Variants in MED24 observed in about 807,000 individuals in gnomAD.
MED24 encodes the protein mediator of RNA polymerase II transcription subunit 24.
A neutral mutation model predicts 118.8 loss-of-function variants in MED24; 74 were observed. That is an observed-to-expected ratio of 0.62 (90% confidence interval 0.52 to 0.76). The LOEUF is 0.76. MED24 is among the 30% of genes least tolerant of loss of function. The pLI, the probability that MED24 is intolerant of heterozygous loss-of-function variation, is 0.00. For synonymous variants in MED24, 521 were observed against 523.9 expected (o/e 0.99, Z 0.08); for missense variants, 1,041 against 1,278.9 (o/e 0.81, Z 2.84).
chr17:40,021,638 A>C (rs1407544510), intron 23 of MED24, among the ~76,000 whole-genome samples: 6 of 152,226 alleles, frequency 3.9e-5, no homozygotes, highest in Non-Finnish European at 7.4e-5. Context: ...TGCCTGAGGC[A>C]GTGAACTCAC....
At position 40,023,302 on chromosome 17, in the gene MED24, G is replaced by A. The variant is rs1982258738; in HGVS notation, c.2079C>T (p.Asp693=). The change falls in exon 20 of 26, where the codon GAC becomes GAT. Residue 693 remains aspartate (D), a synonymous_variant. Coordinates refer to ENST00000394128, the MANE Select transcript of MED24 (RefSeq NM_014815.4). ...GCAGCAGGTTCCAGTAGGGCATTGT[G>A]TCCACCCCGGTGGAGGGAAACTTGA... The part of the protein sequence containing the change: ...TQIKFPSTGV[D]TMPYWNLLPP... 1 of 1,614,100 alleles carries A rather than the reference G, an allele frequency of 6.2e-7. No individual in the cohort carries two copies. The highest frequency in any genetic ancestry group is 8.5e-7 in the Non-Finnish European group (1 of 1,179,986).
chr17:40,020,528 C>T, intron 23 of MED24, 175 bp from the exon 24 acceptor site: 1 of 1,454,454 alleles, frequency 6.9e-7, no homozygotes, highest in African/African-American at 1.4e-5. Flanking sequence ...TGGCTCACAC[C>T]TGTAATCCCA....
At chr17:40,047,873 A>G (rs530715911) in intron 3 of MED24, among the ~76,000 whole-genome samples, 94 of 151,606 alleles carry the variant, frequency 6.2e-4, no homozygotes, top group African/African-American at 2.2e-3. Flanking sequence ...GGGATTACAG[A>G]CGCCCACCAC....
intron 1 of MED24, chr17:40,053,979 A>C: frequency 2.7e-6 from 1 of 371,420 alleles, no homozygotes; most frequent in Non-Finnish European, 5.0e-6. Flanking sequence ...AAAAATACAA[A>C]ATTAGCCGGG....
At chr17:40,021,102 AC>A (rs1407416794) in intron 23 of MED24, 2 of 149,762 alleles carry the variant, frequency 1.3e-5, no homozygotes, top group Admixed American at 6.8e-5. Context: ...CAAACAAAAA[AC>A]AAAACAAAAA....
Position 40,036,184 on chromosome 17 carries a change from G to A in MED24, c.214-30C>T, listed in dbSNP as rs1162275054. On this transcript the variant is annotated intron_variant, in intron 3 of 25. Coordinates refer to ENST00000394128, the MANE Select transcript of MED24 (RefSeq NM_014815.4). ...AGAGAAGGAAGAAAGATAATCTTTAGACAACTAGTCTCCCACAGTTGAGAG... is the reference window on the plus strand; with the variant it reads ...AGAGAAGGAAGAAAGATAATCTTTAAACAACTAGTCTCCCACAGTTGAGAG... 3.8e-6 allele frequency: 6 copies of A among 1,594,828 alleles called. No homozygotes were observed. In the South Asian group the frequency reaches 6.6e-5, roughly 18 times the overall value.
chr17:40,053,712 G>A, intron 1 of MED24, 77 bp from the exon 2 acceptor site: 1 of 1,555,306 alleles, frequency 6.4e-7, no homozygotes. Context: ...GAATTAAATA[G>A]AAAGGAGAAG....
intron 13 of MED24, among the ~76,000 whole-genome samples, chr17:40,029,295 G>A (rs569372892): frequency 6.6e-6 from 1 of 152,200 alleles, no homozygotes; most frequent in East Asian, 1.9e-4. Flanking sequence ...GCCCCCCAGG[G>A]TTCAGCGATT....
chr17:40,026,411 A>G (rs767254954), intron 18 of MED24, 80 bp from the exon 19 acceptor site: 1 of 1,528,990 alleles, frequency 6.5e-7, no homozygotes, highest in Admixed American at 1.7e-5. Context: ...CTCTGCGGGC[A>G]GCTAAGTGCA....
intron 13 of MED24, 117 bp downstream of exon 13, chr17:40,029,631 A>G (rs1267686362): frequency 1.1e-6 from 1 of 931,370 alleles, no homozygotes; most frequent in Non-Finnish European, 1.6e-6. Flanking sequence ...CAAAGCAACT[A>G]TGTATAAAAG....
In MED24 at chr17:40,030,042, C is replaced by CT. The variant is rs1305937038; in HGVS notation, c.1155-184dup. 1.5e-4 allele frequency among the ~76,000 whole-genome samples: 23 copies of CT among 151,646 alleles called. No homozygotes were observed. In the East Asian group the frequency reaches 3.5e-3, roughly 23 times the overall value. On this transcript the variant is annotated intron_variant, in intron 12 of 25. Transcript: ENST00000394128. ...TTGCAATCACTGATTTAGCATTAGT[C>CT]TTTTTTTTTGAGACAGGTCTCACTC...
intron 12 of MED24, among the ~76,000 whole-genome samples, chr17:40,030,662 A>AT (rs34089076): frequency 5.7e-4 from 42 of 73,988 alleles, no homozygotes; most frequent in South Asian, 1.4e-3. Context: ...TTATTTATTT[A>AT]TTTATTTTTT....
chr17:40,051,427 A>G (rs1985832938), intron 3 of MED24, among the ~76,000 whole-genome samples: 1 of 151,790 alleles, frequency 6.6e-6, no homozygotes, highest in African/African-American at 2.4e-5. Flanking sequence ...CATACTGGCC[A>G]ACATGGTGAA....
At chr17:40,047,917 A>G (rs1018958972) in intron 3 of MED24, among the ~76,000 whole-genome samples, 8 of 152,036 alleles carry the variant, frequency 5.3e-5, no homozygotes, top group African/African-American at 1.9e-4. Context: ...TTTAGTAGAG[A>G]CGGGGTTTCA....
chr17:40,045,207 G>T (rs979616125), intron 3 of MED24, among the ~76,000 whole-genome samples: 1 of 152,166 alleles, frequency 6.6e-6, no homozygotes, highest in Non-Finnish European at 1.5e-5. Context: ...CCAGCACTTT[G>T]GGAGGCCGAG....
At chr17:40,045,606 G>A (rs954349031) in intron 3 of MED24, among the ~76,000 whole-genome samples, 1 of 152,136 alleles carries the variant, frequency 6.6e-6, no homozygotes, top group African/African-American at 2.4e-5. Flanking sequence ...GCAACATGGC[G>A]AAACCGTGTC....
At position 40,027,554 on chromosome 17, in the gene MED24, A is replaced by G. The variant is rs1598340837; in HGVS notation, c.1448-89T>C. 25 of 1,296,270 alleles carry G rather than the reference A, an allele frequency of 1.9e-5. No homozygotes were observed. The East Asian group carries it at 6.0e-4, about 31-fold the overall frequency. 80.3% of individuals were successfully genotyped at this position (1,296,270 alleles called of 1,614,324 possible). A position where few individuals can be genotyped will look rare whatever the true frequency, so the allele number is the denominator to read the frequency against. On this transcript the variant is annotated intron_variant, in intron 15 of 25. Transcript: ENST00000394128. ...ACAGGGATCGGGATTTGCCTCTAGG[A>G]AGGTCAGGGACCAAGTGGCTCCTTC...
rs773799134 is a variant in MED24 at position 40,026,989 on chromosome 17, C to T, written c.1576G>A (p.Glu526Lys). ...SRTGAEVPFF[E>K]TWMQTCMPEE... is the part of the protein sequence containing the mutation. The stretch of plus-strand genomic sequence containing the variant: ...GGCATGCAGGTCTGCATCCAGGTCT[C>T]GAAGAAGGGCACCTCAGCTCCTGTG... The change falls in exon 17 of 26, where the codon GAG becomes AAG. Residue 526 changes from glutamate (E) to lysine (K), a missense_variant. By Grantham distance (56) the Glu-to-Lys change is moderately conservative. Transcript: ENST00000394128. 4 of 1,614,124 alleles carry T rather than the reference C, an allele frequency of 2.5e-6. No individual in the cohort carries two copies. The highest frequency in any genetic ancestry group is 3.4e-6 in the Non-Finnish European group (4 of 1,180,026).
chr17:40,052,460 T>A (rs1376560239), intron 3 of MED24, among the ~76,000 whole-genome samples: 1 of 152,230 alleles, frequency 6.6e-6, no homozygotes, highest in Non-Finnish European at 1.5e-5. Context: ...CATGTCTATA[T>A]TACCCACTAA....
Sources: allele counts gnomAD v4.1 joint callset (sites outside exome capture counted in the v4.1 genomes callset), GRCh38; gene constraint gnomAD v4.1.1; transcripts MANE v1.5; gene names NCBI Gene and HGNC (gene_info 2026-07-23, HGNC 2026-07-21).